Variants in ANKS1B observed in about 807,000 individuals in gnomAD.
ANKS1B encodes ankyrin repeat and sterile alpha motif domain-containing protein 1B.
A neutral mutation model predicts 148.3 loss-of-function variants in ANKS1B; 36 were observed. The observed-to-expected ratio is 0.24, with a 90% CI of 0.19 to 0.32. ANKS1B has a LOEUF of 0.32. ANKS1B is among the 10% of genes least tolerant of loss of function. The pLI is 1.00. For synonymous variants in ANKS1B, 542 were observed against 560.8 expected, an observed-to-expected ratio of 0.97 and a Z score of 0.47; for missense variants, 1,157 against 1,542.6, an observed-to-expected ratio of 0.75 and a Z score of 4.19.
chr12:99,016,142 C>G (rs914375209), intron 17 of ANKS1B, among the ~76,000 whole-genome samples: 1 of 152,170 alleles, frequency 6.6e-6, no homozygotes. Context: ...GAAGGACAAT[C>G]TTATACTTAC....
At chr12:99,969,645 TAATTG>T (rs1409016142) in intron 1 of ANKS1B, among the ~76,000 whole-genome samples, 1 of 152,176 alleles carries the variant, frequency 6.6e-6, no homozygotes, top group Non-Finnish European at 1.5e-5. Context: ...CACACAAAAA[TAATTG>T]AGAACTATGT....
chr12:99,625,717 A>G (rs1427541879), intron 9 of ANKS1B, among the ~76,000 whole-genome samples: 2 of 152,174 alleles, frequency 1.3e-5, no homozygotes, highest in Non-Finnish European at 1.5e-5. Flanking sequence ...ATATATGCAA[A>G]TAAATATAAA....
At chr12:99,942,940 T>C (rs191396955) in intron 1 of ANKS1B, among the ~76,000 whole-genome samples, 11 of 152,268 alleles carry the variant, frequency 7.2e-5, no homozygotes, top group Non-Finnish European at 1.5e-4. Context: ...GTTATCAGGG[T>C]ATTTGATTCA....
chr12:98,975,277 C>T (rs1218879858), intron 17 of ANKS1B, among the ~76,000 whole-genome samples: 1 of 146,272 alleles, frequency 6.8e-6, no homozygotes. Flanking sequence ...CCCTCCCTCC[C>T]TTCCTTTTTT....
At chr12:99,513,201 G>C (rs1457573651) in intron 9 of ANKS1B, among the ~76,000 whole-genome samples, 2 of 151,954 alleles carry the variant, frequency 1.3e-5, no homozygotes, top group Non-Finnish European at 2.9e-5. Context: ...GCATGTTTTA[G>C]TAATAAAGTA....
chr12:99,731,413 C>CGTGTGTGTGTGTGTGTGT (rs71088145), intron 8 of ANKS1B, among the ~76,000 whole-genome samples: 14 of 143,834 alleles, frequency 9.7e-5, no homozygotes, highest in Non-Finnish European at 1.4e-4. Flanking sequence ...ACCACCGTGC[C>CGTGTGTGTGTGTGTGTGT]GTGTGTGTGT....
chr12:99,813,122 C>T (rs1222192655), intron 2 of ANKS1B, among the ~76,000 whole-genome samples: 2 of 151,622 alleles, frequency 1.3e-5, no homozygotes, highest in Non-Finnish European at 3.0e-5. Context: ...ACCATTAATG[C>T]AATTTCAACA....
intron 10 of ANKS1B, among the ~76,000 whole-genome samples, chr12:99,470,519 T>C (rs1311166906): frequency 1.3e-5 from 2 of 152,154 alleles, no homozygotes; most frequent in African/African-American, 4.8e-5. Context: ...GGTTTCTTCA[T>C]TAGTAGGCAA....
At chr12:99,852,169 G>T (rs1384328690) in intron 1 of ANKS1B, among the ~76,000 whole-genome samples, 3 of 152,180 alleles carry the variant, frequency 2.0e-5, no homozygotes. Context: ...GAAGTCTTTG[G>T]TAAGTTTCCT....
intron 3 of ANKS1B, among the ~76,000 whole-genome samples, chr12:99,809,895 G>A (rs934887303): frequency 2.0e-5 from 3 of 152,030 alleles, no homozygotes; most frequent in African/African-American, 7.2e-5. Flanking sequence ...TTCAAACACT[G>A]GCTGCATTTC....
At chr12:99,327,734 A>G (rs1442652655) in intron 12 of ANKS1B, among the ~76,000 whole-genome samples, 1 of 150,844 alleles carries the variant, frequency 6.6e-6, no homozygotes, top group Admixed American at 6.7e-5. Flanking sequence ...ATAATAGATA[A>G]TATTCATTTT....
intron 17 of ANKS1B, among the ~76,000 whole-genome samples, chr12:98,839,386 T>TGTAC (rs2153718871): frequency 8.2e-6 from 1 of 122,170 alleles, no homozygotes; most frequent in South Asian, 3.4e-4. Context: ...CATCTATGTA[T>TGTAC]GTATGTATGT....
intron 9 of ANKS1B, among the ~76,000 whole-genome samples, chr12:99,600,760 C>T (rs984083791): frequency 6.6e-6 from 1 of 152,044 alleles, no homozygotes; most frequent in African/African-American, 2.4e-5. Context: ...TAAACTGCAA[C>T]TTGAGAAAAT....
At chr12:99,740,906 G>A (rs1030496788) in intron 8 of ANKS1B, among the ~76,000 whole-genome samples, 5 of 152,112 alleles carry the variant, frequency 3.3e-5, no homozygotes, top group African/African-American at 1.2e-4. Flanking sequence ...ACAACCCACA[G>A]ACCAGGAGAT....
intron 25 of ANKS1B, among the ~76,000 whole-genome samples, chr12:98,766,777 A>C (rs150313441): frequency 8.5e-5 from 13 of 152,300 alleles, no homozygotes; most frequent in African/African-American, 2.9e-4. Flanking sequence ...CCATGGAAGT[A>C]ATCTCGGCAT....
At chr12:99,025,245 C>G (rs955971218) in intron 17 of ANKS1B, among the ~76,000 whole-genome samples, 1 of 152,024 alleles carries the variant, frequency 6.6e-6, no homozygotes, top group Non-Finnish European at 1.5e-5. Flanking sequence ...ATTAGAAGCT[C>G]TATTTGAGGA....
At chr12:99,442,958 C>T (rs2095574540) in intron 11 of ANKS1B, among the ~76,000 whole-genome samples, 1 of 151,862 alleles carries the variant, frequency 6.6e-6, no homozygotes, top group African/African-American at 2.4e-5. Context: ...TGTTCTGGGT[C>T]CATCTGTTGG....
intron 14 of ANKS1B, among the ~76,000 whole-genome samples, chr12:99,191,993 G>A (rs935423464): frequency 3.3e-5 from 5 of 151,800 alleles, no homozygotes; most frequent in East Asian, 1.9e-4. Context: ...TTAGCTGGGC[G>A]TGGTGGCAGG....
At chr12:99,936,577 C>A (rs762713457) in intron 1 of ANKS1B, among the ~76,000 whole-genome samples, 8 of 152,158 alleles carry the variant, frequency 5.3e-5, no homozygotes, top group Non-Finnish European at 1.0e-4. Flanking sequence ...TATTATAAGG[C>A]CTATGTTACT....
Sources: allele counts gnomAD v4.1 joint callset (sites outside exome capture counted in the v4.1 genomes callset), GRCh38; gene constraint gnomAD v4.1.1; transcripts MANE v1.5; gene names NCBI Gene and HGNC (gene_info 2026-07-23, HGNC 2026-07-21).